Variants in KIAA0040 observed in about 807,000 individuals in gnomAD.
The protein encoded by KIAA0040 is KIAA0040, also known as uncharacterized protein KIAA0040.
In KIAA0040, 10 loss-of-function variants were observed where a neutral mutation model predicts 7.2. The observed-to-expected ratio is 1.38, with a 90% CI of 0.85 to 2.34. KIAA0040 has a LOEUF of 2.34. KIAA0040 is among the 30% of genes most tolerant of loss of function. The probability of loss-of-function intolerance (pLI) is 0.00; values close to 1 mark genes in which losing one functional copy is unlikely to be tolerated. For synonymous variants in KIAA0040, 49 were observed against 40.1 expected, an observed-to-expected ratio of 1.22 and a Z score of -0.84; for missense variants, 89 against 108.2, an observed-to-expected ratio of 0.82 and a Z score of 0.79.
At chr1:175,185,109 C>T (rs1287319568) in intron 1 of KIAA0040, among the ~76,000 whole-genome samples, 1 of 151,976 alleles carries the variant, frequency 6.6e-6, no homozygotes, top group Non-Finnish European at 1.5e-5. Flanking sequence ...TTTTTGAGTG[C>T]TGATAGGACA....
Position 175,158,932 on chromosome 1 carries a change from C to T in KIAA0040, c.*1782G>A, listed in dbSNP as rs1676408667. 1 of 152,160 alleles carries T rather than the reference C, an allele frequency of 6.6e-6. No individual in the cohort carries two copies. 9.4% of individuals were successfully genotyped at this position (152,160 alleles called of 1,614,324 possible). A position where few individuals can be genotyped will look rare whatever the true frequency, so the allele number is the denominator to read the frequency against. ...GTACACCTGGAGGGCAGGTGAGTACCAAGCAGCCCAAGTGAGCAAATAGAA... is the reference window on the plus strand; with the variant it reads ...GTACACCTGGAGGGCAGGTGAGTACTAAGCAGCCCAAGTGAGCAAATAGAA... On this transcript the variant is annotated 3_prime_UTR_variant, in exon 4 of 4. Transcript: ENST00000423313.
chr1:175,177,488 T>G (rs1571206262), intron 2 of KIAA0040, 123 bp downstream of exon 2: 1 of 152,172 alleles, frequency 6.6e-6, no homozygotes, highest in African/African-American at 2.4e-5. Context: ...GGCTTTGACT[T>G]TTACCTGATT....
At chr1:175,178,272 C>G (rs1677284859) in intron 1 of KIAA0040, among the ~76,000 whole-genome samples, 1 of 152,216 alleles carries the variant, frequency 6.6e-6, no homozygotes, top group Non-Finnish European at 1.5e-5. Flanking sequence ...CATCCACTGC[C>G]AGGAGGCAGG....
At chr1:175,183,024 A>G (rs184015000) in intron 1 of KIAA0040, among the ~76,000 whole-genome samples, 1 of 152,372 alleles carries the variant, frequency 6.6e-6, no homozygotes, top group East Asian at 1.9e-4. Context: ...AGGAATGCTC[A>G]GGCCTGTAAA....
At position 175,181,533 on chromosome 1, in the gene KIAA0040, A is replaced by G. The variant is rs577450635; in HGVS notation, c.-383-3849T>C. ...GTGAGAAGTAGAAAACTTGCCAGCT[A>G]TCTGGGTAAGGAAATCAAAATTGAA... On this transcript the variant is annotated intron_variant, in intron 1 of 3. Coordinates refer to ENST00000423313, the MANE Select transcript of KIAA0040 (RefSeq NM_014656.3). Among the ~76,000 whole-genome samples the G allele has an allele frequency of 9.8e-5, 15 of 152,362 alleles. No individual in the cohort carries two copies. The South Asian group carries it at 3.1e-3, about 32-fold the overall frequency.
chr1:175,165,016 C>G (rs1207741863), intron 3 of KIAA0040, among the ~76,000 whole-genome samples: 2 of 152,176 alleles, frequency 1.3e-5, no homozygotes, highest in East Asian at 1.9e-4. Context: ...GCCAACCAAC[C>G]TCATCTGTCT....
chr1:175,173,131 C>T (rs1349317599), intron 2 of KIAA0040, among the ~76,000 whole-genome samples: 2 of 152,180 alleles, frequency 1.3e-5, no homozygotes, highest in Non-Finnish European at 2.9e-5. Flanking sequence ...CTCCCTCTCT[C>T]GGCCCTCCTG....
Position 175,161,043 on chromosome 1 carries a change from C to A in KIAA0040, c.-30G>T, listed in dbSNP as rs771649739. The A allele has an allele frequency of 6.6e-7, 1 of 1,525,332 alleles. No homozygotes were observed. Among genetic ancestry groups the A allele is most frequent in the Non-Finnish European group, 8.8e-7 (1 of 1,133,990 alleles). 94.5% of individuals were successfully genotyped at this position (1,525,332 alleles called of 1,614,324 possible). A position where few individuals can be genotyped will look rare whatever the true frequency, so the allele number is the denominator to read the frequency against. On this transcript the variant is annotated 5_prime_UTR_variant, in exon 4 of 4. Transcript: ENST00000423313. ...CTTGGCTAGATTAGGGCCAGAGAACCCTCTCGGCTTACAAGCAGGTCCTGG... is the reference window on the plus strand; with the variant it reads ...CTTGGCTAGATTAGGGCCAGAGAACACTCTCGGCTTACAAGCAGGTCCTGG...
At position 175,161,116 on chromosome 1, in the gene KIAA0040, G is replaced by A. The variant is rs191518327; in HGVS notation, c.-103C>T. 3,736 of 1,185,996 alleles carry A rather than the reference G, an allele frequency of 3.2e-3. 10 individuals are homozygous for A. The highest frequency in any genetic ancestry group is 4.1e-3 in the Non-Finnish European group (3,509 of 857,780). 73.5% of individuals were successfully genotyped at this position (1,185,996 alleles called of 1,614,324 possible). On this transcript the variant is annotated 5_prime_UTR_variant, in exon 4 of 4. Transcript: ENST00000423313. ...CCACTTGTAATTTATTCCTCTTCCA[G>A]CTTTGGGTTTGGGCATGCCACTGGC... is the stretch of plus-strand genomic sequence containing the variant.
upstream of KIAA0040, chr1:175,192,811 G>T (rs1352139660): frequency 7.2e-6 from 1 of 138,892 alleles, no homozygotes; most frequent in Non-Finnish European, 1.6e-5. Context: ...CAAGGTCGTG[G>T]GAGCCGCCCG....
At chr1:175,169,937 G>T (rs1676919257) in intron 2 of KIAA0040, among the ~76,000 whole-genome samples, 1 of 152,094 alleles carries the variant, frequency 6.6e-6, no homozygotes, top group Non-Finnish European at 1.5e-5. Flanking sequence ...GGATGTGTCA[G>T]TTCCGGTCCT....
intron 1 of KIAA0040, among the ~76,000 whole-genome samples, 155 bp from the exon 2 acceptor site, chr1:175,177,839 T>C (rs1488887218): frequency 6.6e-6 from 1 of 152,162 alleles, no homozygotes; most frequent in African/African-American, 2.4e-5. Flanking sequence ...AACCAACAAC[T>C]GGAAGTGAGT....
intron 2 of KIAA0040, chr1:175,176,291 G>C (rs1571204670): frequency 6.6e-6 from 1 of 152,098 alleles, no homozygotes; most frequent in African/African-American, 2.4e-5. Flanking sequence ...CAAAATTTCG[G>C]GGCAATTAAA....
intron 3 of KIAA0040, among the ~76,000 whole-genome samples, chr1:175,164,750 AC>A (rs1339525931): frequency 2.0e-5 from 3 of 152,070 alleles, no homozygotes. Context: ...TTTTCTAGGC[AC>A]CCCCCAGGTT....
rs368562249 is a variant in KIAA0040 at position 175,169,902 on chromosome 1, C to T, written c.-309-3165G>A. ...TTTCCTACTTTCCCTTTTTTCCCTCCCTCAATGTATTTAATGAGCTCCTAG... is the reference window on the plus strand; with the variant it reads ...TTTCCTACTTTCCCTTTTTTCCCTCTCTCAATGTATTTAATGAGCTCCTAG... On this transcript the variant is annotated intron_variant, in intron 2 of 3. Coordinates refer to ENST00000423313, the MANE Select transcript of KIAA0040 (RefSeq NM_014656.3). Among the ~76,000 whole-genome samples the T allele has an allele frequency of 5.8e-4, 89 of 152,228 alleles. 1 individual carries two copies. The highest frequency in any genetic ancestry group is 2.0e-3 in the African/African-American group (85 of 41,522).
intron 3 of KIAA0040, among the ~76,000 whole-genome samples, chr1:175,161,391 T>C (rs1676537472): frequency 6.6e-6 from 1 of 152,210 alleles, no homozygotes; most frequent in African/African-American, 2.4e-5. Context: ...ATATCAGGTC[T>C]GGCACGTAGG....
chr1:175,174,857 T>C (rs1460460165), intron 2 of KIAA0040, among the ~76,000 whole-genome samples: 1 of 152,150 alleles, frequency 6.6e-6, no homozygotes, highest in Non-Finnish European at 1.5e-5. Context: ...CTGGTATTAG[T>C]GCTAATAAAA....
intron 1 of KIAA0040, among the ~76,000 whole-genome samples, chr1:175,187,363 G>A (rs1365569335): frequency 6.6e-6 from 1 of 152,190 alleles, no homozygotes; most frequent in Non-Finnish European, 1.5e-5. Flanking sequence ...TAGTTTCTGG[G>A]TGGTTTCAGG....
chr1:175,162,307 C>T (rs1571185182), intron 3 of KIAA0040, among the ~76,000 whole-genome samples: 2 of 152,102 alleles, frequency 1.3e-5, no homozygotes, highest in Admixed American at 6.5e-5. Flanking sequence ...AGAGATCATC[C>T]CAATGAACTC....
Sources: gnomAD v4.1 joint callset for allele counts (sites outside exome capture counted in the v4.1 genomes callset) on GRCh38, gnomAD v4.1.1 for gene constraint, MANE v1.5 for transcripts, NCBI Gene and HGNC (gene_info 2026-07-23, HGNC 2026-07-21) for gene names.